TAF6L: variants seen among roughly 807,000 people sequenced by gnomAD.
TAF6L encodes the protein TAF6-like RNA polymerase II p300/CBP-associated factor-associated factor 65 kDa subunit 6L.
In TAF6L, 34 loss-of-function variants were observed where a neutral mutation model predicts 57.3. The observed-to-expected ratio is 0.59, with a 90% confidence interval of 0.45 to 0.79. The LOEUF (loss-of-function observed/expected upper bound fraction) is 0.79. TAF6L is among the 30% of genes least tolerant of loss of function. The probability of loss-of-function intolerance (pLI) is 0.00; values close to 1 mark genes in which losing one functional copy is unlikely to be tolerated. For synonymous variants in TAF6L, 417 were observed against 376.3 expected, an observed-to-expected ratio of 1.11 and a Z score of -1.25; for missense variants, 782 against 853.2, an observed-to-expected ratio of 0.92 and a Z score of 1.04.
intron 3 of TAF6L, among the ~76,000 whole-genome samples, chr11:62,777,596 A>C (rs1229268477): frequency 6.6e-6 from 1 of 152,208 alleles, no homozygotes; most frequent in Non-Finnish European, 1.5e-5. Flanking sequence ...GAGCCTGAGC[A>C]ACAGTGTGGG....
intron 6 of TAF6L, chr11:62,781,610 GC>G: frequency 2.9e-6 from 1 of 340,226 alleles, no homozygotes; most frequent in Non-Finnish European, 5.5e-6. Flanking sequence ...GGGAGGTGGA[GC>G]TTGCAGTGAG....
At chr11:62,773,210 C>T (rs759582418) in intron 1 of TAF6L, among the ~76,000 whole-genome samples, 5 of 151,116 alleles carry the variant, frequency 3.3e-5, no homozygotes, top group African/African-American at 1.2e-4. Flanking sequence ...TGCAGTGGTG[C>T]GATCTTGGCT....
At position 62,787,258 on chromosome 11, in the gene TAF6L, T is replaced by C; in HGVS notation, c.1831T>C (p.Trp611Arg). 2 of 1,566,504 alleles carry C rather than the reference T, an allele frequency of 1.3e-6. No homozygotes were observed. Among genetic ancestry groups the C allele is most frequent in the Non-Finnish European group, 1.7e-6 (2 of 1,164,388 alleles). The change falls in exon 11 of 11, where the codon TGG becomes CGG. Residue 611 changes from tryptophan to arginine, a missense_variant. By Grantham distance (101) the Trp-to-Arg change is moderately radical. Around this residue, in one of 3 missense-constraint regions of TAF6L, gnomAD observed 483 missense variants for 445.1 expected, o/e 1.09. Coordinates refer to ENST00000294168, the MANE Select transcript of TAF6L (RefSeq NM_006473.4). ...IGRTSRPARR[W>R]ALSDYSLYLP... Reference sequence around the variant, plus strand: ...CCGTACCAGCCGCCCCGCCCGCCGGTGGGCGCTCTCGGACTACTCGCTGTA... The same window carrying C: ...CCGTACCAGCCGCCCCGCCCGCCGGCGGGCGCTCTCGGACTACTCGCTGTA...
At chr11:62,778,795 G>T (rs973338659) in intron 5 of TAF6L, 74 bp from the exon 6 acceptor site, 8 of 1,266,320 alleles carry the variant, frequency 6.3e-6, no homozygotes, top group African/African-American at 2.9e-5. Flanking sequence ...TGGTGGTTGA[G>T]GGGGAGGAGG....
chr11:62,782,070 C>T, intron 7 of TAF6L, 43 bp from the exon 8 acceptor site: 3 of 1,589,912 alleles, frequency 1.9e-6, no homozygotes, highest in Non-Finnish European at 2.6e-6. Context: ...GGGCTCCTGC[C>T]TGTCCCCTCA....
At chr11:62,781,616 A>G (rs1206980514) in intron 6 of TAF6L, 1 of 343,880 alleles carries the variant, frequency 2.9e-6, no homozygotes, top group Non-Finnish European at 5.5e-6. Context: ...TGGAGCTTGC[A>G]GTGAGCCAAG....
At chr11:62,771,959 G>C (rs1460925258) in intron 1 of TAF6L, 11 of 367,618 alleles carry the variant, frequency 3.0e-5, no homozygotes, top group Non-Finnish European at 5.9e-5. Flanking sequence ...CATGTCTTTG[G>C]GGTGGGATCC....
At chr11:62,778,573 A>G (rs1331417855) in intron 5 of TAF6L, 1 of 623,390 alleles carries the variant, frequency 1.6e-6, no homozygotes, top group Non-Finnish European at 2.8e-6. Context: ...TCTGGGCAGC[A>G]TGCTGGGGCG....
Position 62,782,193 on chromosome 11 carries a change from G to A in TAF6L, c.687G>A (p.Leu229=). 1 of 1,614,164 alleles carries A rather than the reference G, an allele frequency of 6.2e-7. No homozygotes were observed. ...VARSLFRNPH[L]CLGPYVRCLV... is the part of the protein sequence containing the mutation. The stretch of plus-strand genomic sequence containing the variant: ...GGAGCCTATTTCGTAATCCGCACCT[G>A]TGCTTGGGGCCCTATGTCCGCTGTC... Residue 229 remains leucine (L), a synonymous_variant, in exon 8 of 11, where the codon CTG becomes CTA. Coordinates refer to ENST00000294168, the MANE Select transcript of TAF6L (RefSeq NM_006473.4).
At chr11:62,777,012 C>T (rs1350720552) in intron 3 of TAF6L, among the ~76,000 whole-genome samples, 3 of 151,560 alleles carry the variant, frequency 2.0e-5, no homozygotes, top group Admixed American at 1.3e-4. Context: ...CTGGCCGTGG[C>T]GGTGGGCGCC....
intron 1 of TAF6L, chr11:62,771,831 C>T (rs2084150130): frequency 3.4e-6 from 1 of 293,742 alleles, no homozygotes. Flanking sequence ...AATAGGGAAA[C>T]TCCCTCCGTG....
At chr11:62,776,041 A>G (rs1395117420) in intron 2 of TAF6L, 111 bp downstream of exon 2, 1 of 1,336,192 alleles carries the variant, frequency 7.5e-7, no homozygotes, top group Non-Finnish European at 1.0e-6. Flanking sequence ...GCTCCATACA[A>G]CAGAGACAGT....
chr11:62,783,448 C>T (rs1842141872), intron 9 of TAF6L, among the ~76,000 whole-genome samples: 1 of 150,690 alleles, frequency 6.6e-6, no homozygotes, highest in African/African-American at 2.4e-5. Context: ...CGCCACTACA[C>T]TGCAGCCTGG....
intron 10 of TAF6L, 26 bp downstream of exon 10, chr11:62,786,414 C>T: frequency 1.2e-6 from 2 of 1,607,576 alleles, no homozygotes; most frequent in Non-Finnish European, 1.7e-6. Context: ...TTCCAGCCTC[C>T]CTTCCCTGCA....
In TAF6L at chr11:62,777,901, A is replaced by G. The variant is rs546368503; in HGVS notation, c.235-77A>G. On this transcript the variant is annotated intron_variant, in intron 3 of 10. Coordinates refer to ENST00000294168, the MANE Select transcript of TAF6L (RefSeq NM_006473.4). ...CAAACGTGGGCTCTCTGCTCTGGTC[A>G]GTGGAGCCTCATCCTGGATCCTGAC... 105 of 1,534,648 alleles carry G rather than the reference A, an allele frequency of 6.8e-5. No homozygotes were observed. The South Asian group carries it at 1.2e-3, about 17-fold the overall frequency.
intron 5 of TAF6L, 30 bp from the exon 6 acceptor site, chr11:62,778,839 T>G: frequency 6.2e-7 from 1 of 1,600,566 alleles, no homozygotes; most frequent in Non-Finnish European, 8.6e-7. Context: ...GCTCTCCACC[T>G]GTCCCTGCTT....
chr11:62,777,541 C>T (rs2084196357), intron 3 of TAF6L, among the ~76,000 whole-genome samples: 1 of 152,008 alleles, frequency 6.6e-6, no homozygotes, highest in African/African-American at 2.4e-5. Context: ...TTGAGCTTGG[C>T]TTAAACTAGG....
At chr11:62,782,370 G>A (rs2084236848) in intron 8 of TAF6L, 37 bp downstream of exon 8, 1 of 1,599,056 alleles carries the variant, frequency 6.3e-7, no homozygotes, top group African/African-American at 1.3e-5. Flanking sequence ...TGGGATTGCT[G>A]CAGAGCCAAG....
chr11:62,786,609 C>A lies in TAF6L; in HGVS notation c.1182C>A (p.Asp394Glu). The change falls in exon 11 of 11, where the codon GAC (aspartate) becomes GAA (glutamate). Residue 394 changes from aspartate to glutamate, a missense_variant. Physicochemically the swap from Asp to Glu is conservative, Grantham distance 45. Transcript: ENST00000294168. ...PGGRGCRRLDDLPWDSLLFQE... is the reference protein window; with the variant it reads ...PGGRGCRRLDELPWDSLLFQE... ...GCAGGGGGTGCCGGCGCCTGGACGA[C>A]CTGCCATGGGACAGCCTTCTCTTTC... 1 of 1,589,524 alleles carries A rather than the reference C, an allele frequency of 6.3e-7. No individual in the cohort carries two copies. Among genetic ancestry groups the A allele is most frequent in the Non-Finnish European group, 8.6e-7 (1 of 1,167,394 alleles).
Sources: gnomAD v4.1 joint callset for allele counts (sites outside exome capture counted in the v4.1 genomes callset) on GRCh38, gnomAD v4.1.1 for gene constraint, gnomAD v4.1.1 regional missense constraint, MANE v1.5 for transcripts, NCBI Gene and HGNC (gene_info 2026-07-23, HGNC 2026-07-21) for gene names.